GPATCH2: variants seen among roughly 807,000 people sequenced by gnomAD.
GPATCH2 encodes G-patch domain containing 2, also known as G patch domain-containing protein 2.
Under a neutral mutation model 58.0 loss-of-function variants are expected in GPATCH2, and 51 were observed. The ratio of observed to expected loss-of-function variants is 0.88; its 90% CI spans 0.70 to 1.11. The LOEUF (loss-of-function observed/expected upper bound fraction) is 1.11, where lower values mean the gene tolerates loss of function less well. Among genes scored for constraint, GPATCH2 ranks in the 50% most tolerant of loss-of-function variants. GPATCH2 has a pLI of 0.00. For missense variants in GPATCH2, 625 were observed against 652.2 expected (o/e 0.96, Z 0.45); for synonymous variants, 222 against 218.5 (o/e 1.02, Z -0.14).
chr1:217,617,937 A>T lies in GPATCH2; in HGVS notation c.773+1846T>A, dbSNP rs952211134. On this transcript the variant is annotated intron_variant, in intron 2 of 9. Coordinates refer to ENST00000366935, the MANE Select transcript of GPATCH2 (RefSeq NM_018040.5). Reference sequence around the variant, plus strand: ...ATCCATTACCAGTTACATGTCCTATAAAAAAGCAGATCAATAAAAGGAGAA... The same window carrying T: ...ATCCATTACCAGTTACATGTCCTATTAAAAAGCAGATCAATAAAAGGAGAA... 4.6e-5 allele frequency among the ~76,000 whole-genome samples: 7 copies of T among 152,236 alleles called. No homozygotes were observed. In the East Asian group the frequency reaches 1.4e-3, roughly 30 times the overall value.
At chr1:217,590,511 G>T (rs534619497) in intron 5 of GPATCH2, among the ~76,000 whole-genome samples, 3 of 152,336 alleles carry the variant, frequency 2.0e-5, no homozygotes, top group Admixed American at 1.3e-4. Flanking sequence ...GGAAAGAAAT[G>T]ATACATCTTT....
chr1:217,505,760 C>T (rs1662521841), intron 6 of GPATCH2, among the ~76,000 whole-genome samples: 1 of 152,092 alleles, frequency 6.6e-6, no homozygotes, highest in African/African-American at 2.4e-5. Flanking sequence ...TAAATCTGTG[C>T]TAATATGGTA....
At position 217,618,374 on chromosome 1, in the gene GPATCH2, A is replaced by G. The variant is rs1045171111; in HGVS notation, c.773+1409T>C. On this transcript the variant is annotated intron_variant, in intron 2 of 9. Transcript: ENST00000366935. ...CGGCGCACATCACCACACTCGGCTA[A>G]TTTTTCTATTTTTGCTAGAGACGGG... is the stretch of plus-strand genomic sequence containing the variant. Among the ~76,000 whole-genome samples the G allele has an allele frequency of 2.0e-5, 3 of 151,604 alleles. 1 individual carries two copies. The highest frequency in any genetic ancestry group is 4.4e-5 in the Non-Finnish European group (3 of 67,910).
intron 5 of GPATCH2, among the ~76,000 whole-genome samples, chr1:217,569,101 A>T (rs780927742): frequency 2.6e-5 from 4 of 152,096 alleles, no homozygotes; most frequent in Non-Finnish European, 5.9e-5. Flanking sequence ...ACAACTAAAA[A>T]GACAATAGTG....
chr1:217,566,016 G>A (rs768119175), intron 5 of GPATCH2, among the ~76,000 whole-genome samples: 8 of 146,412 alleles, frequency 5.5e-5, no homozygotes, highest in Admixed American at 1.4e-4. Flanking sequence ...CAGGAGAATC[G>A]CTTGAACTTG....
At chr1:217,439,984 A>G (rs986388409) in intron 9 of GPATCH2, among the ~76,000 whole-genome samples, 2 of 152,240 alleles carry the variant, frequency 1.3e-5, no homozygotes, top group African/African-American at 4.8e-5. Context: ...CAAAGGATAG[A>G]AAAAGAGGGA....
intron 6 of GPATCH2, among the ~76,000 whole-genome samples, chr1:217,506,019 C>G (rs1662540905): frequency 6.6e-6 from 1 of 152,138 alleles, no homozygotes; most frequent in Non-Finnish European, 1.5e-5. Context: ...CAAGGTTTCA[C>G]CATGTTGGCC....
intron 5 of GPATCH2, among the ~76,000 whole-genome samples, chr1:217,517,594 A>C (rs2102588964): frequency 6.6e-6 from 1 of 152,280 alleles, no homozygotes; most frequent in African/African-American, 2.4e-5. Context: ...TACTTAAGGA[A>C]TTCTTTCTAA....
chr1:217,523,708 G>C lies in GPATCH2; in HGVS notation c.1099-8819C>G, dbSNP rs376505204. The stretch of plus-strand genomic sequence containing the variant: ...GTTGGGTACACCTCCCAGACGGGGT[G>C]GTGGCCGGGCAGAGGGGCTCCTCAC... On this transcript the variant is annotated intron_variant, in intron 5 of 9. Coordinates refer to ENST00000366935, the MANE Select transcript of GPATCH2 (RefSeq NM_018040.5). 5.1e-4 allele frequency among the ~76,000 whole-genome samples: 77 copies of C among 150,862 alleles called. No individual in the cohort carries two copies. In the South Asian group the frequency reaches 0.015, roughly 29 times the overall value.
intron 5 of GPATCH2, among the ~76,000 whole-genome samples, chr1:217,597,421 A>G (rs934076357): frequency 2.0e-5 from 3 of 152,052 alleles, no homozygotes; most frequent in African/African-American, 4.8e-5. Context: ...CTTCTTCTAT[A>G]TGCAACAGGG....
chr1:217,488,718 G>T (rs1261229039), intron 8 of GPATCH2, among the ~76,000 whole-genome samples: 1 of 151,536 alleles, frequency 6.6e-6, no homozygotes, highest in Admixed American at 6.6e-5. Context: ...TTGAGACAGG[G>T]TCTTACTGTG....
chr1:217,532,207 C>A (rs1664226688), intron 5 of GPATCH2, among the ~76,000 whole-genome samples: 1 of 152,138 alleles, frequency 6.6e-6, no homozygotes, highest in African/African-American at 2.4e-5. Context: ...TAAATAGCAT[C>A]CATTATTATT....
chr1:217,544,491 T>G (rs921202517), intron 5 of GPATCH2, among the ~76,000 whole-genome samples: 1 of 152,224 alleles, frequency 6.6e-6, no homozygotes, highest in African/African-American at 2.4e-5. Context: ...TTTAATTCCC[T>G]TTGTCAGCTC....
chr1:217,603,009 C>T (rs1668180113), intron 5 of GPATCH2, among the ~76,000 whole-genome samples: 1 of 152,040 alleles, frequency 6.6e-6, no homozygotes, highest in Non-Finnish European at 1.5e-5. Flanking sequence ...ATGTAATAAA[C>T]TGTTTAAGTT....
At chr1:217,618,496 C>G (rs1381516062) in intron 2 of GPATCH2, among the ~76,000 whole-genome samples, 3 of 152,088 alleles carry the variant, frequency 2.0e-5, no homozygotes, top group Admixed American at 2.0e-4. Flanking sequence ...GCATGAGCCG[C>G]CATGCTCAGC....
chr1:217,463,959 T>A (rs1660323171), intron 8 of GPATCH2, among the ~76,000 whole-genome samples: 1 of 152,136 alleles, frequency 6.6e-6, no homozygotes, highest in Non-Finnish European at 1.5e-5. Context: ...GTCTTTTATA[T>A]ACTCAGAATA....
chr1:217,535,071 C>A (rs1428923672), intron 5 of GPATCH2, among the ~76,000 whole-genome samples: 1 of 152,072 alleles, frequency 6.6e-6, no homozygotes, highest in Non-Finnish European at 1.5e-5. Flanking sequence ...ATAGTAAGGA[C>A]CCAATAATGC....
intron 8 of GPATCH2, 130 bp downstream of exon 8, chr1:217,491,550 A>G (rs894108593): frequency 2.3e-6 from 1 of 438,432 alleles, no homozygotes; most frequent in African/African-American, 2.0e-5. Context: ...ATAGATTCCA[A>G]TAAACAATAC....
rs370045445 is a variant in GPATCH2, at chr1:217,593,735, CTA to C, written c.1098+16584_1098+16585del. Among the ~76,000 whole-genome samples, 491 of 152,054 alleles carry C rather than the reference CTA, an allele frequency of 3.2e-3. 3 individuals are homozygous for C. Among genetic ancestry groups the C allele is most frequent in the African/African-American group, 9.5e-3 (394 of 41,520 alleles). ...TCCAAAAATGTTCTCTAAAATTTTT[CTA>C]TGTTTTCGGCAATCTGTAATATATG... On this transcript the variant is annotated intron_variant, in intron 5 of 9. Coordinates refer to ENST00000366935, the MANE Select transcript of GPATCH2 (RefSeq NM_018040.5).
Sources: gnomAD v4.1 joint callset for allele counts (sites outside exome capture counted in the v4.1 genomes callset) on GRCh38, gnomAD v4.1.1 for gene constraint, MANE v1.5 for transcripts, NCBI Gene and HGNC (gene_info 2026-07-23, HGNC 2026-07-21) for gene names.